WT1: variants seen among roughly 807,000 people sequenced by gnomAD.
WT1 encodes Wilms tumor protein.
In WT1, 8 loss-of-function variants were observed where a neutral mutation model predicts 60.8. The observed-to-expected ratio is 0.13, with a 90% CI of 0.08 to 0.24. WT1 has a LOEUF of 0.24. WT1 is among the 10% of genes least tolerant of loss of function. The pLI is 1.00. For synonymous variants in WT1, 312 were observed against 297.1 expected, an observed-to-expected ratio of 1.05 and a Z score of -0.52; for missense variants, 568 against 711.8, an observed-to-expected ratio of 0.80 and a Z score of 2.30.
chr11:32,412,645 T>C (rs991496139), intron 5 of WT1, among the ~76,000 whole-genome samples: 2 of 151,150 alleles, frequency 1.3e-5, no homozygotes, highest in Admixed American at 6.6e-5. Flanking sequence ...GCACCATCAA[T>C]AGAAGGCTTC....
At chr11:32,434,469 C>G (rs1035209950) in intron 1 of WT1, among the ~76,000 whole-genome samples, 1 of 152,260 alleles carries the variant, frequency 6.6e-6, no homozygotes, top group Non-Finnish European at 1.5e-5. Flanking sequence ...CTCTTGCGAA[C>G]AGTCAGGCTC....
intron 1 of WT1, 72 bp downstream of exon 1, chr11:32,434,628 G>A (rs1853426201): frequency 6.2e-7 from 1 of 1,607,724 alleles, no homozygotes; most frequent in South Asian, 1.1e-5. Flanking sequence ...GGTAGGAGAG[G>A]GGGGTGTCCT....
At chr11:32,399,736 C>T (rs1852089185) in intron 6 of WT1, among the ~76,000 whole-genome samples, 1 of 152,206 alleles carries the variant, frequency 6.6e-6, no homozygotes, top group Non-Finnish European at 1.5e-5. Flanking sequence ...ACGCATCTTG[C>T]GCAGCGTCAG....
intron 5 of WT1, among the ~76,000 whole-genome samples, chr11:32,412,126 G>A (rs1852520582): frequency 6.6e-6 from 1 of 152,184 alleles, no homozygotes; most frequent in African/African-American, 2.4e-5. Flanking sequence ...GTGCTGGGCT[G>A]TGTATTGGAG....
chr11:32,391,882 CTA>C, intron 9 of WT1, 88 bp downstream of exon 9: 1 of 1,340,564 alleles, frequency 7.5e-7, no homozygotes, highest in Non-Finnish European at 1.1e-6. Flanking sequence ...AACTTTTACA[CTA>C]GTCTTTTCCA....
chr11:32,392,188 G>A, intron 8 of WT1, 124 bp from the exon 9 acceptor site: 1 of 858,218 alleles, frequency 1.2e-6, no homozygotes, highest in Non-Finnish European at 2.0e-6. Flanking sequence ...GTCTGCATCT[G>A]CCTCACCCTT....
At chr11:32,397,126 G>T (rs998733113) in intron 6 of WT1, among the ~76,000 whole-genome samples, 17 of 152,300 alleles carry the variant, frequency 1.1e-4, no homozygotes, top group African/African-American at 3.6e-4. Flanking sequence ...TGTGTGTGTT[G>T]TCAGTCTTCC....
chr11:32,397,854 A>G (rs557872126), intron 6 of WT1, among the ~76,000 whole-genome samples: 1 of 152,346 alleles, frequency 6.6e-6, no homozygotes, highest in Non-Finnish European at 1.5e-5. Context: ...ATAAAATTAA[A>G]TGGTGAGCCA....
At chr11:32,419,772 C>T (rs879342767) in intron 3 of WT1, among the ~76,000 whole-genome samples, 2 of 152,256 alleles carry the variant, frequency 1.3e-5, no homozygotes, top group African/African-American at 4.8e-5. Context: ...CAGTTCGCTG[C>T]AACCTCAGTC....
intron 3 of WT1, among the ~76,000 whole-genome samples, chr11:32,418,381 C>T (rs770103880): frequency 3.3e-5 from 5 of 152,114 alleles, no homozygotes; most frequent in Admixed American, 6.6e-5. Context: ...GTATTTATCT[C>T]ATTCCTAGAA....
intron 1 of WT1, among the ~76,000 whole-genome samples, chr11:32,434,311 C>A (rs530992018): frequency 6.6e-6 from 1 of 152,364 alleles, no homozygotes; most frequent in South Asian, 2.1e-4. Context: ...AAAAGCGCTA[C>A]GCTTGGTGAC....
At chr11:32,430,851 C>A in intron 1 of WT1, 2 of 1,248,828 alleles carry the variant, frequency 1.6e-6, no homozygotes, top group Non-Finnish European at 2.0e-6. Context: ...TAATTAGAAG[C>A]TTATCGGACA....
At position 32,389,002 on chromosome 11, in the gene WT1, A is replaced by G; in HGVS notation, c.*56T>C. 2 of 1,613,364 alleles carry G rather than the reference A, an allele frequency of 1.2e-6. No individual in the cohort carries two copies. Among genetic ancestry groups the G allele is most frequent in the Non-Finnish European group, 1.7e-6 (2 of 1,179,704 alleles). ...AGGAGGAGTGGAGAGTCAGACTTGA[A>G]AGCAGTTCACACACTGTGCTGCCTG... On this transcript the variant is annotated 3_prime_UTR_variant, in exon 10 of 10. Transcript: ENST00000452863.
At chr11:32,402,897 T>C (rs2132972717) in intron 5 of WT1, among the ~76,000 whole-genome samples, 1 of 152,242 alleles carries the variant, frequency 6.6e-6, no homozygotes, top group East Asian at 1.9e-4. Context: ...GGACACAACA[T>C]TAAAGTTCTG....
chr11:32,395,553 C>A (rs1851942293), intron 7 of WT1, among the ~76,000 whole-genome samples: 1 of 151,442 alleles, frequency 6.6e-6, no homozygotes, highest in South Asian at 2.1e-4. Context: ...CTCACTGCAA[C>A]CTCTGCCTCC....
chr11:32,412,668 T>C (rs1590366966), intron 5 of WT1, among the ~76,000 whole-genome samples: 1 of 136,442 alleles, frequency 7.3e-6, no homozygotes, highest in Non-Finnish European at 1.6e-5. Context: ...AATGGTGGAC[T>C]CATACTCAGA....
intron 3 of WT1, among the ~76,000 whole-genome samples, chr11:32,427,172 T>G (rs1239085706): frequency 6.6e-6 from 1 of 152,186 alleles, no homozygotes. Flanking sequence ...TCCAGCCCCG[T>G]GCGGGCTGGT....
chr11:32,416,871 G>T (rs912923331), intron 4 of WT1, among the ~76,000 whole-genome samples: 1 of 152,184 alleles, frequency 6.6e-6, no homozygotes, highest in Non-Finnish European at 1.5e-5. Context: ...TCTCATGAGA[G>T]TGTTGGGAAG....
chr11:32,417,865 G>A (rs1852728327), intron 3 of WT1, among the ~76,000 whole-genome samples: 3 of 152,166 alleles, frequency 2.0e-5, no homozygotes, highest in Admixed American at 2.0e-4. Flanking sequence ...GGATGTGAGA[G>A]TAACTCAGAA....
Sources: allele counts gnomAD v4.1 joint callset (sites outside exome capture counted in the v4.1 genomes callset), GRCh38; gene constraint gnomAD v4.1.1; transcripts MANE v1.5; gene names NCBI Gene and HGNC (gene_info 2026-07-23, HGNC 2026-07-21).